The following NAV2 variants were observed in gnomAD, a reference collection of about 807,000 sequenced individuals.
NAV2 encodes the protein helicase, APC down-regulated 1.
Under a neutral mutation model 223.2 loss-of-function variants are expected in NAV2, and 54 were observed. The ratio of observed to expected loss-of-function variants is 0.24; its 90% CI spans 0.19 to 0.30. NAV2 has a LOEUF of 0.30. Ranked by LOEUF, NAV2 falls within the 10% of genes least tolerant of loss-of-function variation. The pLI, the probability that NAV2 is intolerant of heterozygous loss-of-function variation, is 1.00. For missense variants in NAV2, 2,806 were observed against 3,147.5 expected (o/e 0.89, Z 2.60); for synonymous variants, 1,279 against 1,239.3 (o/e 1.03, Z -0.67).
chr11:19,840,730 A>T (rs1028938477), intron 2 of NAV2, among the ~76,000 whole-genome samples: 1 of 152,190 alleles, frequency 6.6e-6, no homozygotes, highest in East Asian at 1.9e-4. Flanking sequence ...ATGGAAGGAT[A>T]GCTGCCTGAA....
chr11:19,766,615 T>A (rs1328846051), intron 1 of NAV2, among the ~76,000 whole-genome samples: 1 of 152,168 alleles, frequency 6.6e-6, no homozygotes, highest in African/African-American at 2.4e-5. Context: ...ATGGTGCTTA[T>A]CAGTCCTGGA....
chr11:20,056,721 T>G, intron 19 of NAV2: 2 of 817,456 alleles, frequency 2.4e-6, no homozygotes, highest in Non-Finnish European at 4.2e-6. Context: ...CATTAACCAA[T>G]GATAAGAATA....
At position 19,946,479 on chromosome 11, in the gene NAV2, C is replaced by T. The variant is rs1486063889; in HGVS notation, c.2225C>T (p.Ser742Phe). 1 of 1,613,560 alleles carries T rather than the reference C, an allele frequency of 6.2e-7. No homozygotes were observed. Among genetic ancestry groups the T allele is most frequent in the Non-Finnish European group, 8.5e-7 (1 of 1,179,806 alleles). ...DLRQNLEETMSSLRGTQVTHS... is the reference protein window; with the variant it reads ...DLRQNLEETMFSLRGTQVTHS... ...CGGCAGAATTTGGAGGAAACCATGT[C>T]CAGTTTAAGGGGAACTCAGGTTACA... The change falls in exon 9 of 38, where the codon TCC becomes TTC. Residue 742 changes from serine to phenylalanine, a missense_variant. By Grantham distance (155) the Ser-to-Phe change is radical. Around this residue, in one of 4 missense-constraint regions of NAV2, gnomAD observed 1,167 missense variants for 1,180.5 expected, o/e 0.99. Transcript: ENST00000349880.
intron 1 of NAV2, among the ~76,000 whole-genome samples, chr11:19,498,801 C>T (rs1188300542): frequency 1.3e-5 from 2 of 152,184 alleles, no homozygotes; most frequent in African/African-American, 4.8e-5. Flanking sequence ...AGATTCTTCT[C>T]AAGAATCTGG....
Position 19,933,665 on chromosome 11 carries a change from C to T in NAV2, c.1421C>T (p.Ala474Val). The change falls in exon 7 of 38, where the codon GCA (alanine) becomes GTA (valine). Residue 474 changes from alanine (A) to valine (V), a missense_variant. Ala to Val is a moderately conservative substitution (Grantham distance 64). Transcript: ENST00000349880. This position sits in a 1 kb window ranked among gnomAD's most constrained non-coding sequence, Gnocchi z 4.3. ...ATTGCCCAGAGGACTTTTAGCCGGG[C>T]ACTGACCAACAAGAAGAGTTCTCTG... ...KGIAQRTFSR[A>V]LTNKKSSLKG... 11 of 1,614,150 alleles carry T rather than the reference C, an allele frequency of 6.8e-6. No homozygotes were observed. The highest frequency in any genetic ancestry group is 9.3e-6 in the Non-Finnish European group (11 of 1,180,032).
intron 11 of NAV2, among the ~76,000 whole-genome samples, chr11:20,034,745 G>A (rs2056184544): frequency 6.6e-6 from 1 of 152,206 alleles, no homozygotes; most frequent in Non-Finnish European, 1.5e-5. Context: ...AAACAAATGA[G>A]TAAATGCAAC....
intron 1 of NAV2, among the ~76,000 whole-genome samples, chr11:19,794,550 T>C (rs2057765461): frequency 6.6e-6 from 1 of 152,186 alleles, no homozygotes; most frequent in South Asian, 2.1e-4. Context: ...TTCTCAAACA[T>C]TCTAGGATAT....
intron 1 of NAV2, among the ~76,000 whole-genome samples, chr11:19,681,422 G>A (rs915512104): frequency 4.6e-5 from 7 of 152,138 alleles, no homozygotes; most frequent in Non-Finnish European, 8.8e-5. Context: ...TAGAGTTAGC[G>A]TTTGAACCCA....
chr11:19,411,895 C>A (rs967304154), intron 1 of NAV2, among the ~76,000 whole-genome samples: 2 of 152,186 alleles, frequency 1.3e-5, no homozygotes, highest in South Asian at 2.1e-4. Flanking sequence ...AAAGGGCATG[C>A]ATTTGCTATC....
chr11:19,474,663 C>T (rs2042063684), intron 1 of NAV2, among the ~76,000 whole-genome samples: 1 of 152,120 alleles, frequency 6.6e-6, no homozygotes, highest in Non-Finnish European at 1.5e-5. Flanking sequence ...ACAATATATT[C>T]ATGGATTATT....
intron 3 of NAV2, 75 bp from the exon 4 acceptor site, chr11:19,868,850 C>T: frequency 6.9e-7 from 1 of 1,451,034 alleles, no homozygotes; most frequent in Non-Finnish European, 9.6e-7. Context: ...TCTGTTTTCC[C>T]ATTGTTCCTC....
At chr11:19,628,496 G>C (rs1045234614) in intron 1 of NAV2, among the ~76,000 whole-genome samples, 4 of 152,170 alleles carry the variant, frequency 2.6e-5, no homozygotes, top group Admixed American at 6.5e-5. Flanking sequence ...CACACATGGT[G>C]AGTGACACAG....
At chr11:19,677,044 C>T (rs905303485) in intron 1 of NAV2, among the ~76,000 whole-genome samples, 4 of 152,178 alleles carry the variant, frequency 2.6e-5, no homozygotes, top group African/African-American at 9.7e-5. Context: ...TCAAGACTGC[C>T]AGCCACAGAA....
intron 1 of NAV2, among the ~76,000 whole-genome samples, chr11:19,516,590 G>A (rs975879517): frequency 5.9e-5 from 9 of 152,214 alleles, no homozygotes; most frequent in Admixed American, 1.3e-4. Context: ...TTTGGCTGAT[G>A]TTGTGGGACA....
chr11:20,090,950 A>G lies in NAV2; in HGVS notation c.5584A>G (p.Ile1862Val), dbSNP rs1363032376. ...AGACAAGGAGATGAAGCTGACGGAT[A>G]TCCGCTTAGAAGCTCTCAGTTCTGC... ...LRDKEMKLTD[I>V]RLEALSSAHQ... Residue 1862 changes from isoleucine to valine, a missense_variant, in exon 27 of 38, where the codon ATC (isoleucine) becomes GTC (valine). Coordinates refer to ENST00000349880, the MANE Select transcript of NAV2 (RefSeq NM_145117.5). 1 of 1,613,962 alleles carries G rather than the reference A, an allele frequency of 6.2e-7. No homozygotes were observed. Among genetic ancestry groups the G allele is most frequent in the South Asian group, 1.1e-5 (1 of 91,076 alleles).
At chr11:19,639,225 C>T (rs1008407061) in intron 1 of NAV2, among the ~76,000 whole-genome samples, 10 of 152,094 alleles carry the variant, frequency 6.6e-5, no homozygotes, top group Admixed American at 4.6e-4. Context: ...TGAGGACCCC[C>T]GACATAGTCC....
intron 10 of NAV2, among the ~76,000 whole-genome samples, chr11:19,960,299 C>T (rs1394931488): frequency 1.3e-5 from 2 of 152,084 alleles, no homozygotes; most frequent in Admixed American, 6.6e-5. Flanking sequence ...TCTGGAGCTC[C>T]GGGTGGCTTA....
intron 1 of NAV2, among the ~76,000 whole-genome samples, chr11:19,467,018 C>CACAGAG (rs982297137): frequency 1.2e-5 from 1 of 82,448 alleles, no homozygotes; most frequent in Admixed American, 1.1e-4. Flanking sequence ...CACACACACA[C>CACAGAG]AGAGAGAGAG....
At chr11:19,932,456 T>C (rs2045465187) in intron 6 of NAV2, among the ~76,000 whole-genome samples, 4 of 152,072 alleles carry the variant, frequency 2.6e-5, no homozygotes, top group Admixed American at 6.5e-5. Context: ...GTAGCTGGGA[T>C]TACAGGCATG....
Sources: gnomAD v4.1 joint callset for allele counts (sites outside exome capture counted in the v4.1 genomes callset) on GRCh38, gnomAD v4.1.1 for gene constraint, gnomAD v4.1.1 regional missense constraint, Gnocchi (gnomAD v3.1) non-coding constraint, MANE v1.5 for transcripts, NCBI Gene and HGNC (gene_info 2026-07-23, HGNC 2026-07-21) for gene names.